SHANK2: variants seen among roughly 807,000 people sequenced by gnomAD.
SHANK2 encodes SH3 and multiple ankyrin repeat domains protein 2.
A neutral mutation model predicts 133.7 loss-of-function variants in SHANK2; 43 were observed. The ratio of observed to expected loss-of-function variants is 0.32; its 90% CI spans 0.25 to 0.41. SHANK2 has a LOEUF of 0.41. SHANK2 is among the 10% of genes least tolerant of loss of function. SHANK2 has a pLI of 1.00. For synonymous variants in SHANK2, 1,017 were observed against 952.8 expected, an observed-to-expected ratio of 1.07 and a Z score of -1.24; for missense variants, 1,994 against 2,235.8, an observed-to-expected ratio of 0.89 and a Z score of 2.18.
At chr11:70,533,807 T>C (rs1374757469) in intron 17 of SHANK2, among the ~76,000 whole-genome samples, 2 of 151,990 alleles carry the variant, frequency 1.3e-5, no homozygotes, top group African/African-American at 4.8e-5. Context: ...TCCCCAGCCA[T>C]AGGCAAGCAC....
At chr11:70,475,360 A>T (rs1416893776) in intron 25 of SHANK2, among the ~76,000 whole-genome samples, 1 of 152,194 alleles carries the variant, frequency 6.6e-6, no homozygotes, top group African/African-American at 2.4e-5. Context: ...CTTGGTTTTC[A>T]TTCCAGGGTA....
intron 8 of SHANK2, among the ~76,000 whole-genome samples, chr11:71,090,340 A>T: frequency 2.1e-5 from 1 of 47,872 alleles, no homozygotes; most frequent in Non-Finnish European, 3.7e-5. Context: ...TCTCCAGAGA[A>T]ACACAACCTC....
chr11:71,109,298 C>T (rs1225774619), intron 6 of SHANK2, among the ~76,000 whole-genome samples: 1 of 152,194 alleles, frequency 6.6e-6, no homozygotes. Flanking sequence ...ACAGTGCCCA[C>T]ACCCAGGGAC....
At chr11:70,478,611 G>T (rs1398127343) in intron 25 of SHANK2, among the ~76,000 whole-genome samples, 1 of 152,194 alleles carries the variant, frequency 6.6e-6, no homozygotes, top group Admixed American at 6.5e-5. Context: ...CCCGAGGCCT[G>T]GATGTGGGGA....
At chr11:70,894,754 G>A (rs1949908041) in intron 11 of SHANK2, among the ~76,000 whole-genome samples, 1 of 152,294 alleles carries the variant, frequency 6.6e-6, no homozygotes, top group Non-Finnish European at 1.5e-5. Context: ...CGGGGGCTCT[G>A]CCTCCAGGGG....
chr11:70,503,766 G>A (rs1554967784), intron 17 of SHANK2, among the ~76,000 whole-genome samples: 1 of 152,242 alleles, frequency 6.6e-6, no homozygotes, highest in Admixed American at 6.5e-5. Flanking sequence ...ACCTCCCTGA[G>A]CAATGCTCAG....
At chr11:71,131,899 G>C (rs1555103768) in intron 3 of SHANK2, among the ~76,000 whole-genome samples, 1 of 152,168 alleles carries the variant, frequency 6.6e-6, no homozygotes, top group Non-Finnish European at 1.5e-5. Context: ...GGCCCAAAGA[G>C]GAATGCTCCA....
At chr11:70,716,576 G>C (rs1555027319) in intron 14 of SHANK2, among the ~76,000 whole-genome samples, 2 of 152,134 alleles carry the variant, frequency 1.3e-5, no homozygotes, top group Non-Finnish European at 2.9e-5. Context: ...CCTTCTTGGG[G>C]AGGATGAGGT....
chr11:70,877,803 A>G (rs577583682), intron 11 of SHANK2, among the ~76,000 whole-genome samples: 3 of 152,360 alleles, frequency 2.0e-5, no homozygotes, highest in African/African-American at 7.2e-5. Flanking sequence ...AGACACGGAT[A>G]GACGGGCACA....
chr11:70,869,643 A>G lies in SHANK2; in HGVS notation c.1174+26858T>C, dbSNP rs533271848. Among the ~76,000 whole-genome samples, 5 of 152,294 alleles carry G rather than the reference A, an allele frequency of 3.3e-5. No individual in the cohort carries two copies. In the South Asian group the frequency reaches 8.3e-4, roughly 25 times the overall value. ...CTCTGTCTGCTCTGTGTCCTGGGCT[A>G]GAAACCTGATAACCAGCAGATACTT... On this transcript the variant is annotated intron_variant, in intron 11 of 25. Coordinates refer to ENST00000601538, the MANE Select transcript of SHANK2 (RefSeq NM_012309.5).
intron 2 of SHANK2, among the ~76,000 whole-genome samples, chr11:71,152,550 G>A (rs543118778): frequency 2.6e-5 from 4 of 152,324 alleles, no homozygotes; most frequent in South Asian, 2.1e-4. Context: ...CACAGCCCCC[G>A]CTGCTGCCGG....
intron 17 of SHANK2, among the ~76,000 whole-genome samples, chr11:70,592,925 C>T (rs1305718928): frequency 2.0e-5 from 3 of 152,198 alleles, no homozygotes; most frequent in African/African-American, 7.2e-5. Context: ...TGCCCCCAGG[C>T]CTGTCACCTA....
chr11:70,768,055 T>C (rs1299145466), intron 14 of SHANK2, among the ~76,000 whole-genome samples: 4 of 151,994 alleles, frequency 2.6e-5, no homozygotes, highest in African/African-American at 9.7e-5. Flanking sequence ...GGCCACTTTC[T>C]AGCTGGGGTG....
intron 14 of SHANK2, among the ~76,000 whole-genome samples, chr11:70,747,023 A>AC (rs1555036331): frequency 1.5e-5 from 1 of 65,896 alleles, no homozygotes; most frequent in Admixed American, 1.6e-4. Context: ...CCCTCCCTCC[A>AC]CCCCTGCACT....
chr11:70,563,455 C>T (rs528904275), intron 17 of SHANK2, among the ~76,000 whole-genome samples: 4 of 151,748 alleles, frequency 2.6e-5, no homozygotes, highest in South Asian at 2.1e-4. Flanking sequence ...AGTTATCTTT[C>T]GAAAGAATTA....
At position 70,487,499 on chromosome 11, in the gene SHANK2, C is replaced by A; in HGVS notation, c.2794G>T (p.Val932Leu). 1 of 1,613,998 alleles carries A rather than the reference C, an allele frequency of 6.2e-7. No individual in the cohort carries two copies. Among genetic ancestry groups the A allele is most frequent in the East Asian group, 2.2e-5 (1 of 44,848 alleles). The change falls in exon 25 of 26, where the codon GTG (valine) becomes TTG (leucine). Residue 932 changes from valine to leucine, a missense_variant. By Grantham distance (32) the Val-to-Leu change is conservative. Around this residue, in one of 5 missense-constraint regions of SHANK2, gnomAD observed 488 missense variants for 642.6 expected, o/e 0.76. Transcript: ENST00000601538. The surrounding 1 kb of genome is among the most constrained non-coding windows in gnomAD (Gnocchi z 5.8). ...GTGTCGGACCTGGTGGCGGGGGACA[C>A]CTTGGCGGCAGAATTCTGATTGAAC... ...PAFNQNSAAK[V>L]SPATRSDTVA... is the part of the protein sequence containing the mutation.
At chr11:71,133,930 T>A (rs1480313386) in intron 3 of SHANK2, among the ~76,000 whole-genome samples, 1 of 151,298 alleles carries the variant, frequency 6.6e-6, no homozygotes, top group African/African-American at 2.4e-5. Context: ...CTATGTATTT[T>A]TTTTTTTTTT....
At chr11:70,938,233 G>C (rs190655978) in intron 10 of SHANK2, among the ~76,000 whole-genome samples, 15 of 152,286 alleles carry the variant, frequency 9.8e-5, no homozygotes, top group Admixed American at 9.8e-4. Context: ...ATCACTGTAT[G>C]TGTGGGTGTG....
chr11:70,555,463 G>C (rs998977230), intron 17 of SHANK2, among the ~76,000 whole-genome samples: 4 of 152,250 alleles, frequency 2.6e-5, no homozygotes, highest in African/African-American at 9.6e-5. Flanking sequence ...GTGCTACTCT[G>C]GGCTGGGTGG....
Sources: gnomAD v4.1 joint callset for allele counts (sites outside exome capture counted in the v4.1 genomes callset) on GRCh38, gnomAD v4.1.1 for gene constraint, gnomAD v4.1.1 regional missense constraint, Gnocchi (gnomAD v3.1) non-coding constraint, MANE v1.5 for transcripts, NCBI Gene and HGNC (gene_info 2026-07-23, HGNC 2026-07-21) for gene names.